FAM90A1: variants seen among roughly 807,000 people sequenced by gnomAD.
FAM90A1 encodes family with sequence similarity 90 member A1.
Under a neutral mutation model 14.8 loss-of-function variants are expected in FAM90A1, and 10 were observed. The ratio of observed to expected loss-of-function variants is 0.67; its 90% CI spans 0.42 to 1.14. FAM90A1 has a LOEUF of 1.14. Among genes scored for constraint, FAM90A1 ranks in the 50% most tolerant of loss-of-function variants. The probability of loss-of-function intolerance (pLI) is 0.00; values close to 1 mark genes in which losing one functional copy is unlikely to be tolerated. For synonymous variants in FAM90A1, 236 were observed against 248.4 expected (o/e 0.95, Z 0.47); for missense variants, 567 against 602.8 (o/e 0.94, Z 0.62).
rs1224663110 is a variant in FAM90A1 at position 8,222,024 on chromosome 12, C to G, written c.1193G>C (p.Arg398Thr). ...GGAGCTCCAGCGTCCGTTTTCCAGT[C>G]TCCGAAAGAGCACTCTGAGAGGCTG... ...GAQPLRVLFRRLENGRWSSSL... is the reference protein window; with the variant it reads ...GAQPLRVLFRTLENGRWSSSL... Residue 398 changes from arginine to threonine, a missense_variant, in exon 7 of 7, where the codon AGA becomes ACA. By Grantham distance (71) the Arg-to-Thr change is moderately conservative (BLOSUM62 -1). Transcript: ENST00000538603. The G allele has an allele frequency of 6.2e-7, 1 of 1,601,402 alleles. No homozygotes were observed. Among genetic ancestry groups the G allele is most frequent in the Non-Finnish European group, 8.5e-7 (1 of 1,179,914 alleles).
intron 4 of FAM90A1, 38 bp from the exon 5 acceptor site, chr12:8,224,253 G>C: frequency 6.6e-7 from 1 of 1,521,048 alleles, no homozygotes; most frequent in East Asian, 2.3e-5. Context: ...TGAGTGAGCT[G>C]AAGCCACAGG....
In FAM90A1 at chr12:8,222,278, G is replaced by A; in HGVS notation, c.939C>T (p.Phe313=). ...NFPKKPRLGP[F]QIPESAIQGG... is the part of the protein sequence containing the mutation. Reference sequence around the variant, plus strand: ...CCTGGATGGCGCTTTCGGGGATCTGGAAGGGACCCAGTCTCGGTTTCTTGG... The same window carrying A: ...CCTGGATGGCGCTTTCGGGGATCTGAAAGGGACCCAGTCTCGGTTTCTTGG... Residue 313 remains phenylalanine (F), a synonymous_variant, in exon 7 of 7, where the codon TTC becomes TTT. Transcript: ENST00000538603. 6.2e-7 allele frequency: 1 copy of A among 1,611,396 alleles called. No individual in the cohort carries two copies. The highest frequency in any genetic ancestry group is 1.3e-5 in the African/African-American group (1 of 74,986).
rs1948830742 is a variant in FAM90A1 at position 8,221,936 on chromosome 12, G to A, written c.1281C>T (p.Ser427=). The A allele has an allele frequency of 3.8e-6, 6 of 1,596,414 alleles. No homozygotes were observed. The highest frequency in any genetic ancestry group is 5.1e-6 in the Non-Finnish European group (6 of 1,179,764). Residue 427 remains serine, a synonymous_variant, in exon 7 of 7, where the codon AGC becomes AGT. Transcript: ENST00000538603. ...CCTCAGACTTCTCTGAGACATGAGG[G>A]CTCTGAGCGAGGAAGGCTCCCGGCT... ...PEKPGAFLAQ[S]PHVSEKSEGP...
chr12:8,222,218 A>C lies in FAM90A1; in HGVS notation c.999T>G (p.Pro333=), dbSNP rs200251031. The C allele has an allele frequency of 1.4e-5, 22 of 1,600,534 alleles. No homozygotes were observed. ...GELGAPENLQ[P]PPAATELGPR... The stretch of plus-strand genomic sequence containing the variant: ...GTCCAAGTTCGGTTGCGGCTGGCGG[A>C]GGTTGGAGATTCTCCGGGGCCCCCA... Residue 333 remains proline (P), a synonymous_variant, in exon 7 of 7, where the codon CCT becomes CCG. Coordinates refer to ENST00000538603, the MANE Select transcript of FAM90A1 (RefSeq NM_018088.3).
rs1413442324 is a variant in FAM90A1 at position 8,222,294 on chromosome 12, G to A, written c.923C>T (p.Pro308Leu). Residue 308 changes from proline (P) to leucine (L), a missense_variant, in exon 7 of 7, where the codon CCG (proline) becomes CTG (leucine). Coordinates refer to ENST00000538603, the MANE Select transcript of FAM90A1 (RefSeq NM_018088.3). ...IQACLNFPKKPRLGPFQIPES... is the reference protein window; with the variant it reads ...IQACLNFPKKLRLGPFQIPES... The stretch of plus-strand genomic sequence containing the variant: ...GGGGATCTGGAAGGGACCCAGTCTC[G>A]GTTTCTTGGGGAAGTTCAGGCAAGC... The A allele has an allele frequency of 5.6e-6, 9 of 1,611,260 alleles. No individual in the cohort carries two copies. The highest frequency in any genetic ancestry group is 6.8e-6 in the Non-Finnish European group (8 of 1,179,964).
In FAM90A1 at chr12:8,221,306, C is replaced by A. The variant is rs139153284; in HGVS notation, c.*516G>T. The A allele has an allele frequency of 6.1e-5, 12 of 195,922 alleles. No individual in the cohort carries two copies. The East Asian group carries it at 1.0e-3, about 17-fold the overall frequency. The allele number at this position is 195,922 out of a possible 1,614,324, so 12.1% of individuals were successfully genotyped here. ...TCACTTCAAAACAAATTCAACACAC[C>A]TATTTACAAAGGGATTCCAGAGCCC... is the stretch of plus-strand genomic sequence containing the variant. On this transcript the variant is annotated 3_prime_UTR_variant, in exon 7 of 7. Transcript: ENST00000538603.
intron 1 of FAM90A1, among the ~76,000 whole-genome samples, chr12:8,227,222 C>G (rs557737162): frequency 1.3e-5 from 2 of 152,196 alleles, no homozygotes; most frequent in East Asian, 3.8e-4. Context: ...AAAGCAGAAG[C>G]GGTGTGGGAA....
chr12:8,223,341 G>C (rs1404674738), intron 6 of FAM90A1, 108 bp downstream of exon 6: 357 of 673,438 alleles, frequency 5.3e-4, no homozygotes, highest in Non-Finnish European at 7.8e-4. Context: ...CCCCAAGAAG[G>C]CAAGAAAGAG....
rs1395241382 is a variant in FAM90A1 at position 8,224,861 on chromosome 12, C to T, written c.-29G>A. 1 of 1,604,990 alleles carries T rather than the reference C, an allele frequency of 6.2e-7. No homozygotes were observed. On this transcript the variant is annotated 5_prime_UTR_variant, in exon 4 of 7. Transcript: ENST00000538603. ...CGTCTCCTGGGGGTTTTATGACCGC[C>T]TTTTTCAGGGGTTGATTGTCGGGTC...
In FAM90A1 at chr12:8,222,708, G is replaced by C. The variant is rs781563542; in HGVS notation, c.509C>G (p.Ala170Gly). The C allele has an allele frequency of 6.2e-7, 1 of 1,607,454 alleles. No homozygotes were observed. The highest frequency in any genetic ancestry group is 8.5e-7 in the Non-Finnish European group (1 of 1,179,850). The change falls in exon 7 of 7, where the codon GCT becomes GGT. Residue 170 changes from alanine to glycine, a missense_variant. Coordinates refer to ENST00000538603, the MANE Select transcript of FAM90A1 (RefSeq NM_018088.3). ...RVDPVLSDRS[A>G]TEMSDRGSVL... The stretch of plus-strand genomic sequence containing the variant: ...GGAGCCCCTGTCAGACATTTCGGTA[G>C]CTGAGCGATCAGAGAGGACAGGGTC...
At position 8,221,855 on chromosome 12, in the gene FAM90A1, G is replaced by C. The variant is rs370693616; in HGVS notation, c.1362C>G (p.Ser454=). Residue 454 remains serine, a synonymous_variant, in exon 7 of 7, where the codon TCC becomes TCG. Coordinates refer to ENST00000538603, the MANE Select transcript of FAM90A1 (RefSeq NM_018088.3). ...GGTCAGAATCGCTGTCCTCTGAGGA[G>C]GAGGGAACCTGAAGGTCCTCATAGA... The part of the protein sequence containing the change: ...SVLYEDLQVP[S]SSEDSDSDLE 7.3e-5 allele frequency: 117 copies of C among 1,596,294 alleles called. No homozygotes were observed. Among genetic ancestry groups the C allele is most frequent in the Non-Finnish European group, 9.5e-5 (112 of 1,179,726 alleles).
Position 8,227,588 on chromosome 12 carries a change from G to A in FAM90A1, c.-529C>T, listed in dbSNP as rs1948969045. 2 of 1,497,990 alleles carry A rather than the reference G, an allele frequency of 1.3e-6. No individual in the cohort carries two copies. Among genetic ancestry groups the A allele is most frequent in the Non-Finnish European group, 1.8e-6 (2 of 1,116,608 alleles). 92.8% of individuals were successfully genotyped at this position (1,497,990 alleles called of 1,614,324 possible). A position where few individuals can be genotyped will look rare whatever the true frequency, so the allele number is the denominator to read the frequency against. On this transcript the variant is annotated 5_prime_UTR_variant, in exon 1 of 7. Transcript: ENST00000538603. ...GTCTCGGGGCTCCTGGGTTGCTTCT[G>A]GAAGGGCCCGGATGGGGCCTGACTG...
At chr12:8,224,540 C>G (rs780910931) in intron 4 of FAM90A1, among the ~76,000 whole-genome samples, 170 bp downstream of exon 4, 11 of 152,336 alleles carry the variant, frequency 7.2e-5, no homozygotes, top group South Asian at 2.1e-4. Context: ...AGGGGCCTAT[C>G]GGGCCGGGGA....
Position 8,222,341 on chromosome 12 carries a change from T to A in FAM90A1, c.876A>T (p.Arg292Ser). ...SNLSFGPGAK[R>S]SAPAPIQACL... ...AAGCCTGAATCGGAGCCGGGGCAGA[T>A]CTCTTGGCTCCTGGCCCGAAGCTGA... Residue 292 changes from arginine to serine, a missense_variant, in exon 7 of 7, where the codon AGA (arginine) becomes AGT (serine). Physicochemically the swap from Arg to Ser is moderately radical, Grantham distance 110. Coordinates refer to ENST00000538603, the MANE Select transcript of FAM90A1 (RefSeq NM_018088.3). 1.2e-6 allele frequency: 2 copies of A among 1,611,686 alleles called. No homozygotes were observed. Among genetic ancestry groups the A allele is most frequent in the Non-Finnish European group, 1.7e-6 (2 of 1,179,914 alleles).
In FAM90A1 at chr12:8,222,603, C is replaced by T. The variant is rs201524812; in HGVS notation, c.614G>A (p.Gly205Glu). 8.4e-5 allele frequency: 136 copies of T among 1,611,996 alleles called. No individual in the cohort carries two copies. The African/African-American group carries it at 1.2e-3, about 14-fold the overall frequency. ...AGTCTGAGGGATGTCGGCCGCAGCC[C>T]CTGTCTGTCTTTCCTTTGGTCCAAG... Reference protein sequence around the residue: ...SSLGPKERQTGAAADIPQTAV... With the variant: ...SSLGPKERQTEAAADIPQTAV... Residue 205 changes from glycine to glutamate, a missense_variant, in exon 7 of 7, where the codon GGG becomes GAG. Physicochemically the swap from Gly to Glu is moderately conservative, Grantham distance 98. Coordinates refer to ENST00000538603, the MANE Select transcript of FAM90A1 (RefSeq NM_018088.3).
At position 8,222,139 on chromosome 12, in the gene FAM90A1, C is replaced by A; in HGVS notation, c.1078G>T (p.Asp360Tyr). 2.5e-6 allele frequency: 4 copies of A among 1,612,042 alleles called. No homozygotes were observed. Among genetic ancestry groups the A allele is most frequent in the Non-Finnish European group, 3.4e-6 (4 of 1,179,872 alleles). ...GGTCTGCTGTGCGGAGGCTGCCGGTCGCCGCTAAGCACCTGGGCGGGTGTC... is the reference window on the plus strand; with the variant it reads ...GGTCTGCTGTGCGGAGGCTGCCGGTAGCCGCTAAGCACCTGGGCGGGTGTC... ...TRTPAQVLSG[D>Y]RQPPHSRPCL... The change falls in exon 7 of 7, where the codon GAC becomes TAC. Residue 360 changes from aspartate to tyrosine, a missense_variant. By Grantham distance (160) the Asp-to-Tyr change is radical. Coordinates refer to ENST00000538603, the MANE Select transcript of FAM90A1 (RefSeq NM_018088.3).
chr12:8,222,509 G>A lies in FAM90A1; in HGVS notation c.708C>T (p.Gly236=). The A allele has an allele frequency of 1.2e-6, 2 of 1,611,278 alleles. No homozygotes were observed. Among genetic ancestry groups the A allele is most frequent in the Non-Finnish European group, 1.7e-6 (2 of 1,179,266 alleles). Residue 236 remains glycine, a synonymous_variant, in exon 7 of 7, where the codon GGC becomes GGT. Transcript: ENST00000538603. ...AGGCAGCCTGGGGAACTTCTCGACA[G>A]CCACCCGCAGGGCTGCTGTGTGTCG... The part of the protein sequence containing the change: ...VKPTHSSPAG[G]CREVPQAASK...
In FAM90A1 at chr12:8,221,753, C is replaced by T. The variant is rs1327569087; in HGVS notation, c.*69G>A. ...CACAGAGTCTGCTCTCTGCTCTGTG[C>T]TCCTCAGTCCCACAGTCCCCTCCAA... On this transcript the variant is annotated 3_prime_UTR_variant, in exon 7 of 7. Transcript: ENST00000538603. 7 of 1,503,402 alleles carry T rather than the reference C, an allele frequency of 4.7e-6. No individual in the cohort carries two copies. The highest frequency in any genetic ancestry group is 3.4e-5 in the Admixed American group (2 of 59,516). 93.1% of individuals were successfully genotyped at this position (1,503,402 alleles called of 1,614,324 possible).
Position 8,221,965 on chromosome 12 carries a change from C to G in FAM90A1, c.1252G>C (p.Glu418Gln), listed in dbSNP as rs749398650. 4 of 1,597,022 alleles carry G rather than the reference C, an allele frequency of 2.5e-6. No individual in the cohort carries two copies. In the East Asian group the frequency reaches 8.9e-5, roughly 36 times the overall value. Residue 418 changes from glutamate (E) to glutamine (Q), a missense_variant, in exon 7 of 7, where the codon GAG becomes CAG. Physicochemically the swap from Glu to Gln is conservative, Grantham distance 29. Coordinates refer to ENST00000538603, the MANE Select transcript of FAM90A1 (RefSeq NM_018088.3). ...LLTAPSFHSP[E>Q]KPGAFLAQSP... ...TGAGCGAGGAAGGCTCCCGGCTTCT[C>G]AGGAGAGTGAAATGAGGGGGCCGTC...
Sources: gnomAD v4.1 joint callset for allele counts (sites outside exome capture counted in the v4.1 genomes callset) on GRCh38, gnomAD v4.1.1 for gene constraint, MANE v1.5 for transcripts, NCBI Gene and HGNC (gene_info 2026-07-23, HGNC 2026-07-21) for gene names.